The following COX7B2 variants were observed in gnomAD, a reference collection of about 807,000 sequenced individuals.
COX7B2 encodes the protein cytochrome c oxidase subunit 7B2, mitochondrial.
For missense variants in COX7B2, 109 were observed against 95.9 expected (o/e 1.14, Z -0.57); for synonymous variants, 37 against 32.1 (o/e 1.15, Z -0.51).
In COX7B2 at chr4:46,734,848, T is replaced by G; in HGVS notation, c.*99A>C. 1.4e-6 allele frequency: 2 copies of G among 1,385,900 alleles called. No homozygotes were observed. The highest frequency in any genetic ancestry group is 2.0e-5 in the Admixed American group (1 of 49,288). 85.9% of individuals were successfully genotyped at this position (1,385,900 alleles called of 1,614,324 possible). ...TGACTTTTTAAAGATTTAAAACACA[T>G]TTTATTTTTTCAATTGTGCTATATT... On this transcript the variant is annotated 3_prime_UTR_variant, in exon 3 of 3. Coordinates refer to ENST00000355591, the MANE Select transcript of COX7B2 (RefSeq NM_130902.3).
At chr4:46,791,798 C>A (rs568150714) in intron 2 of COX7B2, among the ~76,000 whole-genome samples, 1 of 152,256 alleles carries the variant, frequency 6.6e-6, no homozygotes, top group South Asian at 2.1e-4. Flanking sequence ...CCATAGGACA[C>A]TGAAAAAACA....
chr4:46,830,367 G>A (rs114081351), intron 2 of COX7B2, among the ~76,000 whole-genome samples: 3,219 of 149,416 alleles, frequency 0.022, 53 homozygotes, highest in Non-Finnish European at 0.035. Flanking sequence ...AAAACGGAGA[G>A]AAAAGAAACA....
rs557340113 is a variant in COX7B2, at chr4:46,829,033, T to G, written c.-50+15927A>C. On this transcript the variant is annotated intron_variant, in intron 2 of 2. Transcript: ENST00000355591. ...CTCCTTTCTCAAATGAAGAAAACTA[T>G]GAAGACAACAGCAGTATTCTAAGCA... is the stretch of plus-strand genomic sequence containing the variant. 2.0e-5 allele frequency among the ~76,000 whole-genome samples: 3 copies of G among 152,302 alleles called. No homozygotes were observed. The South Asian group carries it at 6.2e-4, about 32-fold the overall frequency.
intron 2 of COX7B2, among the ~76,000 whole-genome samples, chr4:46,747,914 T>TA (rs1715122072): frequency 6.6e-6 from 1 of 151,742 alleles, no homozygotes; most frequent in Admixed American, 6.5e-5. Context: ...CTCACAGACA[T>TA]CTTTAAGAAC....
intron 2 of COX7B2, among the ~76,000 whole-genome samples, chr4:46,761,949 G>A (rs2109475742): frequency 6.6e-6 from 1 of 151,234 alleles, no homozygotes; most frequent in East Asian, 1.9e-4. Context: ...ACCATTGAGT[G>A]AGACTGCAAA....
chr4:46,770,908 G>T (rs1316655327), intron 2 of COX7B2, among the ~76,000 whole-genome samples: 1 of 152,058 alleles, frequency 6.6e-6, no homozygotes, highest in Non-Finnish European at 1.5e-5. Context: ...CTTGACACTG[G>T]TTGAGACAGT....
At chr4:46,821,526 C>T (rs1714286512) in intron 2 of COX7B2, among the ~76,000 whole-genome samples, 1 of 152,164 alleles carries the variant, frequency 6.6e-6, no homozygotes, top group Admixed American at 6.5e-5. Flanking sequence ...TGACAGAACT[C>T]TACCATTTAC....
At chr4:46,740,733 C>T (rs1577645812) in intron 2 of COX7B2, among the ~76,000 whole-genome samples, 2 of 151,922 alleles carry the variant, frequency 1.3e-5, no homozygotes, top group Non-Finnish European at 2.9e-5. Context: ...GTACTCATAC[C>T]AGAAATAGAA....
chr4:46,840,151 ACT>A (rs751085440), intron 2 of COX7B2, among the ~76,000 whole-genome samples: 7 of 151,210 alleles, frequency 4.6e-5, no homozygotes, highest in Admixed American at 1.3e-4. Flanking sequence ...TTGCAAGGTG[ACT>A]CTCTAGTTCC....
intron 1 of COX7B2, among the ~76,000 whole-genome samples, chr4:46,898,293 G>T (rs1191620763): frequency 6.6e-6 from 1 of 151,984 alleles, no homozygotes; most frequent in Middle Eastern, 3.2e-3. Context: ...CAAGAACTTT[G>T]GACTCCTCTT....
At chr4:46,780,821 C>T (rs1717406878) in intron 2 of COX7B2, among the ~76,000 whole-genome samples, 1 of 152,154 alleles carries the variant, frequency 6.6e-6, no homozygotes, top group African/African-American at 2.4e-5. Context: ...TAACATTTGG[C>T]CTTGCTCCAT....
At chr4:46,774,185 A>C (rs1717033469) in intron 2 of COX7B2, among the ~76,000 whole-genome samples, 1 of 152,106 alleles carries the variant, frequency 6.6e-6, no homozygotes, top group South Asian at 2.1e-4. Context: ...AGTGCCCCCA[A>C]GTTTGCAAGT....
intron 2 of COX7B2, among the ~76,000 whole-genome samples, chr4:46,785,203 C>T (rs1341407782): frequency 1.3e-5 from 2 of 152,150 alleles, no homozygotes; most frequent in African/African-American, 4.8e-5. Context: ...AGTAGAACTA[C>T]TCTCACATGA....
intron 1 of COX7B2, among the ~76,000 whole-genome samples, chr4:46,907,324 C>G (rs1408751424): frequency 6.6e-6 from 1 of 152,138 alleles, no homozygotes; most frequent in Admixed American, 6.5e-5. Flanking sequence ...TTCTTTTTCT[C>G]CAGCTCTAAC....
At chr4:46,757,744 A>G (rs12504048) in intron 2 of COX7B2, among the ~76,000 whole-genome samples, 49,655 of 151,998 alleles carry the variant, frequency 0.33, 8,374 homozygotes, top group South Asian at 0.47. Flanking sequence ...TGTCTTATCC[A>G]CTGCTGTTCA....
At chr4:46,846,797 G>A (rs552154802) in intron 1 of COX7B2, among the ~76,000 whole-genome samples, 3 of 152,018 alleles carry the variant, frequency 2.0e-5, no homozygotes, top group East Asian at 1.9e-4. Context: ...GAAAATAGAC[G>A]GGACAGGATT....
chr4:46,907,597 C>G (rs1165243596), intron 1 of COX7B2, among the ~76,000 whole-genome samples: 3 of 151,744 alleles, frequency 2.0e-5, no homozygotes, highest in Admixed American at 6.6e-5. Flanking sequence ...ATTTAATATC[C>G]AACTCCGTAA....
intron 2 of COX7B2, among the ~76,000 whole-genome samples, chr4:46,819,581 T>C (rs1714128731): frequency 6.6e-6 from 1 of 151,994 alleles, no homozygotes; most frequent in Non-Finnish European, 1.5e-5. Context: ...TAACTCTCAT[T>C]ATGTTTTAAG....
At chr4:46,853,423 A>G (rs1716825341) in intron 1 of COX7B2, among the ~76,000 whole-genome samples, 1 of 152,098 alleles carries the variant, frequency 6.6e-6, no homozygotes, top group African/African-American at 2.4e-5. Context: ...TATTTGCTCA[A>G]TTGTGGCATA....
Sources: gnomAD v4.1 joint callset for allele counts (sites outside exome capture counted in the v4.1 genomes callset) on GRCh38, gnomAD v4.1.1 for gene constraint, MANE v1.5 for transcripts, NCBI Gene and HGNC (gene_info 2026-07-23, HGNC 2026-07-21) for gene names.